Variants in SCYL1 observed in about 807,000 individuals in gnomAD.
The protein encoded by SCYL1 is SCY1 like pseudokinase 1.
SCYL1 carries 85 observed loss-of-function variants against 94.8 expected under a neutral mutation model. The observed-to-expected ratio is 0.90, with a 90% CI of 0.75 to 1.07. The LOEUF is 1.07. Ranked by LOEUF, SCYL1 falls within the 50% of genes least tolerant of loss-of-function variation. The probability of loss-of-function intolerance (pLI) is 0.00; values close to 1 mark genes in which losing one functional copy is unlikely to be tolerated. For synonymous variants in SCYL1, 459 were observed against 435.5 expected, an observed-to-expected ratio of 1.05 and a Z score of -0.67; for missense variants, 968 against 1,083.3, an observed-to-expected ratio of 0.89 and a Z score of 1.49.
intron 9 of SCYL1, among the ~76,000 whole-genome samples, chr11:65,534,255 T>C (rs1439303183): frequency 7.1e-6 from 1 of 141,236 alleles, no homozygotes; most frequent in Non-Finnish European, 1.5e-5. Flanking sequence ...AAATAAAAAT[T>C]AAAAAAATTA....
chr11:65,531,778 A>G (rs979119377), intron 8 of SCYL1, 95 bp downstream of exon 8: 7 of 862,614 alleles, frequency 8.1e-6, no homozygotes. Context: ...GACCCCAGAA[A>G]CCCCACCCCT....
chr11:65,533,722 T>C (rs1335907283), intron 9 of SCYL1, among the ~76,000 whole-genome samples: 1 of 151,468 alleles, frequency 6.6e-6, no homozygotes, highest in Non-Finnish European at 1.5e-5. Flanking sequence ...TGAGGCTGCA[T>C]TGAGCTGTGA....
At position 65,527,053 on chromosome 11, in the gene SCYL1, G is replaced by A. The variant is rs148421552; in HGVS notation, c.785G>A (p.Arg262Gln). The A allele has an allele frequency of 5.0e-5, 80 of 1,613,546 alleles. 1 individual carries two copies. The highest frequency in any genetic ancestry group is 2.2e-4 in the South Asian group (20 of 91,074). Reference protein sequence around the residue: ...PNPARFLQNCRAPGGFMSNRF... With the variant: ...PNPARFLQNCQAPGGFMSNRF... ...CCAGCCCGCTTCCTGCAGAACTGCC[G>A]GGCACCTGGTGGCTTCATGAGCAAC... The change falls in exon 6 of 18, where the codon CGG (arginine) becomes CAG (glutamine). Residue 262 changes from arginine to glutamine, a missense_variant. By Grantham distance (43) the Arg-to-Gln change is conservative. Around this residue, in one of 2 missense-constraint regions of SCYL1, gnomAD observed 494 missense variants for 619.7 expected, o/e 0.80. Coordinates refer to ENST00000270176, the MANE Select transcript of SCYL1 (RefSeq NM_020680.4).
intron 12 of SCYL1, 83 bp from the exon 13 acceptor site, chr11:65,536,502 CA>C: frequency 1.3e-6 from 2 of 1,505,664 alleles, no homozygotes; most frequent in African/African-American, 1.4e-5. Flanking sequence ...GGGGTGGCTG[CA>C]GGGCACTGTC....
At chr11:65,532,100 G>A (rs2135062505) in intron 8 of SCYL1, among the ~76,000 whole-genome samples, 1 of 152,282 alleles carries the variant, frequency 6.6e-6, no homozygotes, top group East Asian at 1.9e-4. Flanking sequence ...AGGTGGGGAG[G>A]AGCAGGGAAG....
chr11:65,532,250 C>A (rs1000724550), intron 8 of SCYL1, among the ~76,000 whole-genome samples: 3 of 152,074 alleles, frequency 2.0e-5, no homozygotes, highest in Non-Finnish European at 4.4e-5. Context: ...CTTGGCGAAA[C>A]CCCGTCTCTA....
chr11:65,530,794 G>A lies in SCYL1; in HGVS notation c.1008+7G>A, dbSNP rs1855324284. On this transcript the variant is annotated splice_region_variant and intron_variant, in intron 7 of 17. Transcript: ENST00000270176. ...CCTCACGCCCCTCTTCAAGGTGAGT[G>A]GAACTGTGGGGTCCAGAAGGCTGGC... The A allele has an allele frequency of 6.2e-7, 1 of 1,605,620 alleles. No homozygotes were observed. The highest frequency in any genetic ancestry group is 1.3e-5 in the African/African-American group (1 of 74,710).
rs748685109 is a variant in SCYL1, at chr11:65,535,268, C to A, written c.1272C>A (p.Leu424=). 4 of 1,614,228 alleles carry A rather than the reference C, an allele frequency of 2.5e-6. No homozygotes were observed. The highest frequency in any genetic ancestry group is 2.5e-6 in the Non-Finnish European group (3 of 1,180,040). The change falls in exon 10 of 18, where the codon CTC becomes CTA. Residue 424 remains leucine (L), a synonymous_variant. Transcript: ENST00000270176. ...CCCCAAAGCTGAACGAGGCCAACCT[C>A]AATGTGGAGCTGATGAAGCACTTTG... ...LLAPKLNEAN[L]NVELMKHFAR... is the part of the protein sequence containing the mutation.
intron 17 of SCYL1, 48 bp downstream of exon 17, chr11:65,538,372 C>T (rs369741245): frequency 9.1e-6 from 14 of 1,539,580 alleles, no homozygotes; most frequent in African/African-American, 2.7e-5. Context: ...CCCCGACTAG[C>T]CCGCCCCTAC....
At chr11:65,528,000 C>G (rs1413296625) in intron 6 of SCYL1, among the ~76,000 whole-genome samples, 2 of 152,050 alleles carry the variant, frequency 1.3e-5, no homozygotes, top group Non-Finnish European at 2.9e-5. Flanking sequence ...GGTGTAACAC[C>G]CTGTACTGGC....
intron 14 of SCYL1, 35 bp downstream of exon 14, chr11:65,537,163 C>G: frequency 1.9e-6 from 3 of 1,612,312 alleles, no homozygotes; most frequent in Non-Finnish European, 2.5e-6. Flanking sequence ...CCAGGGGACC[C>G]CAGCTCAAAT....
rs542101864 is a variant in SCYL1, at chr11:65,530,739, C to G, written c.960C>G (p.Ala320=). The change falls in exon 7 of 18, where the codon GCC becomes GCG. Residue 320 remains alanine (A), a synonymous_variant. Coordinates refer to ENST00000270176, the MANE Select transcript of SCYL1 (RefSeq NM_020680.4). ...RHKVLPQLLT[A]FEFGNAGAVV... ...AGGTGCTGCCCCAGCTGCTGACCGCCTTCGAGTTCGGCAATGCTGGGGCCG... is the reference window on the plus strand; with the variant it reads ...AGGTGCTGCCCCAGCTGCTGACCGCGTTCGAGTTCGGCAATGCTGGGGCCG... 40 of 1,614,034 alleles carry G rather than the reference C, an allele frequency of 2.5e-5. 1 individual carries two copies. The South Asian group carries it at 4.3e-4, about 17-fold the overall frequency.
At position 65,526,633 on chromosome 11, in the gene SCYL1, A is replaced by G; in HGVS notation, c.603-150A>G. 1.4e-6 allele frequency: 1 copy of G among 719,982 alleles called. No individual in the cohort carries two copies. The highest frequency in any genetic ancestry group is 2.3e-6 in the Non-Finnish European group (1 of 438,084). The allele number at this position is 719,982 out of a possible 1,614,324, so 44.6% of individuals were successfully genotyped here. On this transcript the variant is annotated intron_variant, in intron 4 of 17. Coordinates refer to ENST00000270176, the MANE Select transcript of SCYL1 (RefSeq NM_020680.4). This position sits in a 1 kb window ranked among gnomAD's most constrained non-coding sequence, Gnocchi z 4.1. ...CTTGGTTTTTTTAATCTGTTAAGTG[A>G]GGCTAATGAAACCTGCCTCTTGGGA...
In SCYL1 at chr11:65,526,380, C is replaced by A. The variant is rs1855080783; in HGVS notation, c.602+30C>A. On this transcript the variant is annotated intron_variant, in intron 4 of 17. Transcript: ENST00000270176. This position sits in a 1 kb window ranked among gnomAD's most constrained non-coding sequence, Gnocchi z 4.1. ...GTGACTGGGGGCAGCGCGCCCCAAC[C>A]TGCCCTGTCCTGGAGGCCCCTGCAG... is the stretch of plus-strand genomic sequence containing the variant. The A allele has an allele frequency of 1.3e-6, 2 of 1,540,908 alleles. No individual in the cohort carries two copies. Among genetic ancestry groups the A allele is most frequent in the Admixed American group, 1.8e-5 (1 of 55,530 alleles).
chr11:65,536,230 G>A, intron 11 of SCYL1, 29 bp from the exon 12 acceptor site: 1 of 1,610,048 alleles, frequency 6.2e-7, no homozygotes. Flanking sequence ...GAACCCCAGA[G>A]ACCCCAGCTC....
intron 7 of SCYL1, 76 bp from the exon 8 acceptor site, chr11:65,531,500 C>G: frequency 9.2e-7 from 1 of 1,091,952 alleles, no homozygotes; most frequent in Non-Finnish European, 1.4e-6. Flanking sequence ...GGGATATCAG[C>G]CCCAGGAATT....
At position 65,538,123 on chromosome 11, in the gene SCYL1, CCA is replaced by C. The variant is rs1855797466; in HGVS notation, c.2189_2190del (p.Pro730ArgfsTer27). The C allele has an allele frequency of 1.9e-6, 3 of 1,603,002 alleles. No homozygotes were observed. Among genetic ancestry groups the C allele is most frequent in the Admixed American group, 1.7e-5 (1 of 58,390 alleles). On this transcript the variant is annotated frameshift_variant, in exon 16 of 18. Coordinates refer to ENST00000270176, the MANE Select transcript of SCYL1 (RefSeq NM_020680.4). LOFTEE classifies it high-confidence loss of function. The part of the protein sequence containing the change: ...RLASEYNWGG[P>X]ESSDKGDPFA... The stretch of plus-strand genomic sequence containing the variant: ...GGCCAGCGAGTATAACTGGGGTGGC[CCA>C]GAGTCCAGCGACAAGGGCGACCCCT...
chr11:65,538,094 G>C lies in SCYL1; in HGVS notation c.2159G>C (p.Arg720Pro). The C allele has an allele frequency of 6.2e-7, 1 of 1,605,610 alleles. No homozygotes were observed. Among genetic ancestry groups the C allele is most frequent in the Non-Finnish European group, 8.5e-7 (1 of 1,176,754 alleles). Residue 720 changes from arginine to proline, a missense_variant, in exon 16 of 18, where the codon CGG becomes CCG. Arg to Pro is a moderately radical substitution (Grantham distance 103). Transcript: ENST00000270176. ...CAGGAGCCACCTCCTGACGGTACAC[G>C]GCTGGCCAGCGAGTATAACTGGGGT... ...SSQEPPPDGT[R>P]LASEYNWGGP...
chr11:65,532,394 C>T (rs1855424613), intron 8 of SCYL1, among the ~76,000 whole-genome samples: 1 of 149,724 alleles, frequency 6.7e-6, no homozygotes, highest in East Asian at 2.0e-4. Flanking sequence ...CACTGCACTC[C>T]AGCCTCGGTG....
Sources: gnomAD v4.1 joint callset for allele counts (sites outside exome capture counted in the v4.1 genomes callset) on GRCh38, gnomAD v4.1.1 for gene constraint, gnomAD v4.1.1 regional missense constraint, Gnocchi (gnomAD v3.1) non-coding constraint, MANE v1.5 for transcripts, NCBI Gene and HGNC (gene_info 2026-07-23, HGNC 2026-07-21) for gene names.